The following GYPC variants were observed in gnomAD, a reference collection of about 807,000 sequenced individuals.
GYPC encodes the protein glycophorin-C.
A neutral mutation model predicts 12.6 loss-of-function variants in GYPC; 14 were observed. The observed-to-expected ratio is 1.11, with a 90% CI of 0.74 to 1.74. GYPC has a LOEUF of 1.74. Among genes scored for constraint, GYPC ranks in the 40% most tolerant of loss-of-function variants. GYPC has a pLI of 0.00. For synonymous variants in GYPC, 78 were observed against 62.1 expected (o/e 1.26, Z -1.20); for missense variants, 225 against 172.1 (o/e 1.31, Z -1.72).
At chr2:126,689,808 T>C (rs1299777578) in intron 1 of GYPC, among the ~76,000 whole-genome samples, 1 of 152,172 alleles carries the variant, frequency 6.6e-6, no homozygotes, top group African/African-American at 2.4e-5. Context: ...AACAAACCTC[T>C]CTTCTTTACA....
rs1683647540 is a variant in GYPC at position 126,696,435 on chromosome 2, G to A, written c.*293G>A. ...CACATGGGGCCCCCTGGGCAGTGCA[G>A]GACAACATCAGCTCACTGGCAGGAA... is the stretch of plus-strand genomic sequence containing the variant. On this transcript the variant is annotated 3_prime_UTR_variant, in exon 4 of 4. Transcript: ENST00000259254. 4.7e-6 allele frequency: 2 copies of A among 429,640 alleles called. No homozygotes were observed. Among genetic ancestry groups the A allele is most frequent in the Non-Finnish European group, 8.7e-6 (2 of 228,974 alleles). The allele number at this position is 429,640 out of a possible 1,614,324, so 26.6% of individuals were successfully genotyped here. A position where few individuals can be genotyped will look rare whatever the true frequency, so the allele number is the denominator to read the frequency against.
At chr2:126,664,008 A>C (rs1682614424) in intron 1 of GYPC, among the ~76,000 whole-genome samples, 1 of 139,162 alleles carries the variant, frequency 7.2e-6, no homozygotes. Flanking sequence ...CTCTGGAGAA[A>C]GCTCCTTCTC....
chr2:126,667,583 A>G (rs1450832768), intron 1 of GYPC, among the ~76,000 whole-genome samples: 1 of 151,038 alleles, frequency 6.6e-6, no homozygotes, highest in South Asian at 2.1e-4. Context: ...TTATATTTTT[A>G]GTAGAGACGG....
At chr2:126,665,526 C>G (rs1682654537) in intron 1 of GYPC, among the ~76,000 whole-genome samples, 1 of 152,170 alleles carries the variant, frequency 6.6e-6, no homozygotes, top group South Asian at 2.1e-4. Context: ...CCAGTGGCAG[C>G]TCGAAGGGAG....
chr2:126,671,933 A>G (rs1682866340), intron 1 of GYPC, among the ~76,000 whole-genome samples: 1 of 152,198 alleles, frequency 6.6e-6, no homozygotes, highest in East Asian at 1.9e-4. Context: ...AATGTTTGAG[A>G]AAGCCCTGAA....
intron 2 of GYPC, 115 bp downstream of exon 2, chr2:126,690,426 G>T: frequency 1.2e-6 from 1 of 809,902 alleles, no homozygotes. Flanking sequence ...AAACATCCAG[G>T]GGAGAACTGA....
At chr2:126,663,209 T>C (rs1044302641) in intron 1 of GYPC, among the ~76,000 whole-genome samples, 3 of 151,970 alleles carry the variant, frequency 2.0e-5, no homozygotes, top group Non-Finnish European at 2.9e-5. Flanking sequence ...AGCTAATTTT[T>C]GTATTTTTAG....
intron 1 of GYPC, among the ~76,000 whole-genome samples, chr2:126,689,279 G>T (rs545820063): frequency 3.3e-5 from 5 of 152,140 alleles, no homozygotes; most frequent in African/African-American, 1.2e-4. Flanking sequence ...ACCTGATACC[G>T]GATGAGCTGT....
At chr2:126,675,674 C>T (rs1173246354) in intron 1 of GYPC, 14 of 984,822 alleles carry the variant, frequency 1.4e-5, no homozygotes, top group Middle Eastern at 5.2e-4. Flanking sequence ...CGTGGCTGTT[C>T]GTCACTACCC....
At position 126,663,845 on chromosome 2, in the gene GYPC, C is replaced by T. The variant is rs144281531; in HGVS notation, c.49+7533C>T. Among the ~76,000 whole-genome samples the T allele has an allele frequency of 5.1e-4, 77 of 152,256 alleles. 1 individual carries two copies. Among genetic ancestry groups the T allele is most frequent in the African/African-American group, 1.8e-3 (75 of 41,538 alleles). ...GCCTCCTTCCCTCGGCTCACCTGGC[C>T]CTCATGCGCTCTACCTTTCAATGTC... On this transcript the variant is annotated intron_variant, in intron 1 of 3. Coordinates refer to ENST00000259254, the MANE Select transcript of GYPC (RefSeq NM_002101.5).
At chr2:126,678,041 G>T (rs1278688441) in intron 1 of GYPC, among the ~76,000 whole-genome samples, 2 of 152,158 alleles carry the variant, frequency 1.3e-5, no homozygotes, top group Non-Finnish European at 2.9e-5. Flanking sequence ...CTAACACGGT[G>T]AAACCCCTTC....
chr2:126,688,568 C>T (rs113005648), intron 1 of GYPC, among the ~76,000 whole-genome samples: 111 of 152,298 alleles, frequency 7.3e-4, no homozygotes, highest in African/African-American at 2.5e-3. Context: ...ATGCTGGATC[C>T]TCTACCCTGC....
chr2:126,671,873 A>AG (rs1682864926), intron 1 of GYPC, among the ~76,000 whole-genome samples: 1 of 152,158 alleles, frequency 6.6e-6, no homozygotes, highest in Non-Finnish European at 1.5e-5. Flanking sequence ...GTGAGGAGTG[A>AG]GGGGGTGCCA....
chr2:126,663,185 G>A (rs534950693), intron 1 of GYPC, among the ~76,000 whole-genome samples: 1 of 152,274 alleles, frequency 6.6e-6, no homozygotes, highest in South Asian at 2.1e-4. Flanking sequence ...TTACAGACAT[G>A]TGCCACCACG....
rs1364535716 is a variant in GYPC at position 126,656,332 on chromosome 2, A to G, written c.49+20A>G. ...GCCTCGGTGAGTACCCGCCGTGGGG[A>G]AGGGTCCTGGGGACCCACTGGAGGC... On this transcript the variant is annotated intron_variant, in intron 1 of 3. Coordinates refer to ENST00000259254, the MANE Select transcript of GYPC (RefSeq NM_002101.5). The G allele has an allele frequency of 1.9e-6, 3 of 1,583,654 alleles. No individual in the cohort carries two copies. In the African/African-American group the frequency reaches 4.1e-5, roughly 21 times the overall value.
Position 126,665,552 on chromosome 2 carries a change from A to AG in GYPC, c.49+9242dup, listed in dbSNP as rs1682655811. On this transcript the variant is annotated intron_variant, in intron 1 of 3. Transcript: ENST00000259254. The stretch of plus-strand genomic sequence containing the variant: ...TCGAAGGGAGATTAGGGCACAGATA[A>AG]GGCTGGAGGACATCAGTGTAAAGAG... Among the ~76,000 whole-genome samples the AG allele has an allele frequency of 1.3e-5, 2 of 152,188 alleles. 1 individual carries two copies. Among genetic ancestry groups the AG allele is most frequent in the South Asian group, 4.1e-4 (2 of 4,832 alleles).
intron 1 of GYPC, among the ~76,000 whole-genome samples, chr2:126,683,743 C>T (rs1356170187): frequency 2.0e-5 from 3 of 152,200 alleles, no homozygotes; most frequent in African/African-American, 4.8e-5. Flanking sequence ...CTTTCCAGTT[C>T]CCCTCCTGGG....
At chr2:126,686,094 A>T (rs1020062106) in intron 1 of GYPC, 1 of 985,232 alleles carries the variant, frequency 1.0e-6, no homozygotes, top group Non-Finnish European at 1.2e-6. Context: ...AAATGTAAAG[A>T]CCAGCCCACG....
At chr2:126,685,620 G>T (rs1339508376) in intron 1 of GYPC, among the ~76,000 whole-genome samples, 2 of 151,970 alleles carry the variant, frequency 1.3e-5, no homozygotes, top group African/African-American at 4.8e-5. Context: ...CCTGACCTCA[G>T]GTGTTCCACC....
Sources: allele counts gnomAD v4.1 joint callset (sites outside exome capture counted in the v4.1 genomes callset), GRCh38; gene constraint gnomAD v4.1.1; transcripts MANE v1.5; gene names NCBI Gene and HGNC (gene_info 2026-07-23, HGNC 2026-07-21).